FILIP1: variants seen among roughly 807,000 people sequenced by gnomAD.
FILIP1 encodes filamin-A-interacting protein 1.
FILIP1 carries 61 observed loss-of-function variants against 102.1 expected under a neutral mutation model. The ratio of observed to expected loss-of-function variants is 0.60; its 90% CI spans 0.49 to 0.74. FILIP1 has a LOEUF of 0.74. Ranked by LOEUF, FILIP1 falls within the 30% of genes least tolerant of loss-of-function variation. FILIP1 has a pLI of 0.00. For missense variants in FILIP1, 1,314 were observed against 1,441.2 expected (o/e 0.91, Z 1.43); for synonymous variants, 491 against 526.9 (o/e 0.93, Z 0.93).
At chr6:75,402,526 T>A (rs1332698910) in intron 2 of FILIP1, among the ~76,000 whole-genome samples, 1 of 152,022 alleles carries the variant, frequency 6.6e-6, no homozygotes, top group African/African-American at 2.4e-5. Flanking sequence ...CCATAGAGAG[T>A]AACTAAAAGC....
rs563628549 is a variant in FILIP1, at chr6:75,365,848, A to C, written c.277-2931T>G. ...TTCCTTATTCCCCAGAAATAAAACAAAGGCAAATAATTTCATAGAAAGTTC... is the reference window on the plus strand; with the variant it reads ...TTCCTTATTCCCCAGAAATAAAACACAGGCAAATAATTTCATAGAAAGTTC... On this transcript the variant is annotated intron_variant, in intron 2 of 5. Coordinates refer to ENST00000237172, the MANE Select transcript of FILIP1 (RefSeq NM_015687.5). 5.9e-5 allele frequency among the ~76,000 whole-genome samples: 9 copies of C among 152,342 alleles called. No individual in the cohort carries two copies. In the East Asian group the frequency reaches 1.7e-3, roughly 29 times the overall value.
Position 75,414,967 on chromosome 6 carries a change from T to G in FILIP1, c.6A>C (p.Arg2Ser). The change falls in exon 2 of 6, where the codon AGA (arginine) becomes AGC (serine). Residue 2 changes from arginine to serine, a missense_variant. Physicochemically the swap from Arg to Ser is moderately radical, Grantham distance 110 (BLOSUM62 -1). Around this residue, in one of 3 missense-constraint regions of FILIP1, gnomAD observed 494 missense variants for 511.2 expected, o/e 0.97. Coordinates refer to ENST00000237172, the MANE Select transcript of FILIP1 (RefSeq NM_015687.5). Reference sequence around the variant, plus strand: ...CACTTTCACCACCTTGGTTTCGAGATCTCATTCCCACCTACAACACATACA... The same window carrying G: ...CACTTTCACCACCTTGGTTTCGAGAGCTCATTCCCACCTACAACACATACA... The part of the protein sequence containing the change: M[R>S]SRNQGGESAS... 1 of 1,613,406 alleles carries G rather than the reference T, an allele frequency of 6.2e-7. No homozygotes were observed. Among genetic ancestry groups the G allele is most frequent in the Non-Finnish European group, 8.5e-7 (1 of 1,179,530 alleles).
chr6:75,418,378 G>A (rs975778483), intron 1 of FILIP1, among the ~76,000 whole-genome samples: 3 of 152,192 alleles, frequency 2.0e-5, no homozygotes, highest in Non-Finnish European at 4.4e-5. Context: ...GAACTTCTAA[G>A]ATGATGAATC....
chr6:75,327,594 A>G (rs201100912), intron 4 of FILIP1, among the ~76,000 whole-genome samples: 2 of 65,608 alleles, frequency 3.0e-5, no homozygotes, highest in East Asian at 3.3e-4. Flanking sequence ...ATATAAAATA[A>G]AAAGGTCAAT....
chr6:75,418,642 G>A (rs988122849), intron 1 of FILIP1, among the ~76,000 whole-genome samples: 4 of 152,128 alleles, frequency 2.6e-5, no homozygotes, highest in Non-Finnish European at 4.4e-5. Context: ...CAAGTTTAAG[G>A]TGTGTAGATA....
intron 4 of FILIP1, among the ~76,000 whole-genome samples, chr6:75,327,190 G>C (rs1322478100): frequency 2.0e-5 from 3 of 152,172 alleles, no homozygotes; most frequent in African/African-American, 7.2e-5. Flanking sequence ...CTGAAATTTA[G>C]AGCCATCTTG....
chr6:75,363,337 C>A (rs1775230721), intron 2 of FILIP1, among the ~76,000 whole-genome samples: 1 of 152,136 alleles, frequency 6.6e-6, no homozygotes, highest in Non-Finnish European at 1.5e-5. Flanking sequence ...TAAAATAAAA[C>A]CCTGCTGCCT....
At chr6:75,401,410 T>C (rs1210036702) in intron 2 of FILIP1, among the ~76,000 whole-genome samples, 1 of 152,162 alleles carries the variant, frequency 6.6e-6, no homozygotes, top group African/African-American at 2.4e-5. Flanking sequence ...AGAATCTCCT[T>C]GGTGTTAATT....
intron 4 of FILIP1, among the ~76,000 whole-genome samples, chr6:75,316,025 T>A (rs551064769): frequency 1.4e-4 from 21 of 152,336 alleles, no homozygotes; most frequent in African/African-American, 3.8e-4. Context: ...AATACTTTTT[T>A]AATCAAGAAC....
intron 2 of FILIP1, among the ~76,000 whole-genome samples, chr6:75,408,950 C>CT (rs1398357515): frequency 2.0e-5 from 3 of 152,140 alleles, no homozygotes; most frequent in Non-Finnish European, 2.9e-5. Flanking sequence ...GCATCCCTGC[C>CT]TGCTGCCATT....
intron 2 of FILIP1, among the ~76,000 whole-genome samples, chr6:75,372,621 A>AAAAG (rs760896137): frequency 0.044 from 1,849 of 42,054 alleles, 185 homozygotes; most frequent in East Asian, 0.078. Context: ...GAAAGAAAGA[A>AAAAG]AAAGAAAGAA....
rs1773077317 is a variant in FILIP1, at chr6:75,308,810, C to T, written c.3523G>A (p.Ala1175Thr). The T allele has an allele frequency of 1.2e-6, 2 of 1,613,984 alleles. No individual in the cohort carries two copies. Among genetic ancestry groups the T allele is most frequent in the South Asian group, 2.2e-5 (2 of 91,088 alleles). ...GMKAGKPVVA[A>T]PGAGNLTKFE... ...TTGGTCAGATTTCCTGCTCCTGGGGCTGCCACTACTGGCTTTCCTGCTTTC... is the reference window on the plus strand; with the variant it reads ...TTGGTCAGATTTCCTGCTCCTGGGGTTGCCACTACTGGCTTTCCTGCTTTC... Residue 1175 changes from alanine to threonine, a missense_variant, in exon 6 of 6, where the codon GCC (alanine) becomes ACC (threonine). Ala to Thr is a moderately conservative substitution (Grantham distance 58). Around this residue, in one of 3 missense-constraint regions of FILIP1, gnomAD observed 816 missense variants for 913.1 expected, o/e 0.89. Transcript: ENST00000237172.
intron 6 of FILIP1, among the ~76,000 whole-genome samples, chr6:75,300,071 A>G (rs1186527782): frequency 6.6e-6 from 1 of 152,138 alleles, no homozygotes; most frequent in Non-Finnish European, 1.5e-5. Context: ...CTCCCAAGTA[A>G]TTCATGTTTA....
At chr6:75,332,885 T>C (rs1234380882) in intron 4 of FILIP1, among the ~76,000 whole-genome samples, 2 of 152,148 alleles carry the variant, frequency 1.3e-5, no homozygotes, top group Admixed American at 1.3e-4. Context: ...AAAGGTACCA[T>C]ACACCTCATT....
At chr6:75,436,614 G>A (rs1420103339) in intron 1 of FILIP1, among the ~76,000 whole-genome samples, 5 of 152,122 alleles carry the variant, frequency 3.3e-5, no homozygotes, top group Non-Finnish European at 7.3e-5. Context: ...TGGAGATTAT[G>A]GGACAGATAA....
intron 1 of FILIP1, among the ~76,000 whole-genome samples, chr6:75,426,045 T>C (rs978899590): frequency 7.2e-5 from 11 of 152,302 alleles, no homozygotes; most frequent in Admixed American, 1.3e-4. Context: ...AACTGTACTA[T>C]TGTAGCACAA....
At chr6:75,319,477 A>G (rs1469143944) in intron 4 of FILIP1, 1 of 600,366 alleles carries the variant, frequency 1.7e-6, no homozygotes, top group Non-Finnish European at 3.3e-6. Context: ...CCTTTGCCAT[A>G]TCTTCAAATT....
chr6:75,314,995 T>G lies in FILIP1; in HGVS notation c.837A>C (p.Glu279Asp). The G allele has an allele frequency of 6.2e-7, 1 of 1,613,982 alleles. No homozygotes were observed. The highest frequency in any genetic ancestry group is 8.5e-7 in the Non-Finnish European group (1 of 1,179,968). Residue 279 changes from glutamate (E) to aspartate (D), a missense_variant, in exon 5 of 6, where the codon GAA becomes GAC. Physicochemically the swap from Glu to Asp is conservative, Grantham distance 45. Around this residue, in one of 3 missense-constraint regions of FILIP1, gnomAD observed 494 missense variants for 511.2 expected, o/e 0.97. Transcript: ENST00000237172. ...TGGAAGTAATGGCTTTGAGCTTCTC[T>G]TCTTCTTCCCTCAGCTTCTGAGTAA... ...QDLTQKLREE[E>D]EKLKAITSKS...
chr6:75,302,258 G>T (rs564054518), intron 6 of FILIP1, among the ~76,000 whole-genome samples: 8 of 152,072 alleles, frequency 5.3e-5, no homozygotes, highest in African/African-American at 1.9e-4. Flanking sequence ...AAAAATGACA[G>T]TACCTGGACT....
Sources: gnomAD v4.1 joint callset for allele counts (sites outside exome capture counted in the v4.1 genomes callset) on GRCh38, gnomAD v4.1.1 for gene constraint, gnomAD v4.1.1 regional missense constraint, MANE v1.5 for transcripts, NCBI Gene and HGNC (gene_info 2026-07-23, HGNC 2026-07-21) for gene names.